The following SLC5A4 variants were observed in gnomAD, a reference collection of about 807,000 sequenced individuals.
SLC5A4 encodes the protein solute carrier family 5 member 4.
In SLC5A4, 55 loss-of-function variants were observed where a neutral mutation model predicts 70.3. The observed-to-expected ratio is 0.78, with a 90% CI of 0.63 to 0.98. The LOEUF is 0.98. SLC5A4 is among the 50% of genes least tolerant of loss of function. The pLI is 0.00. For missense variants in SLC5A4, 735 were observed against 839.2 expected (o/e 0.88, Z 1.53); for synonymous variants, 268 against 305.7 (o/e 0.88, Z 1.29).
chr22:32,236,168 T>C (rs1926047946), intron 7 of SLC5A4, among the ~76,000 whole-genome samples: 1 of 152,190 alleles, frequency 6.6e-6, no homozygotes, highest in Admixed American at 6.5e-5. Flanking sequence ...GTGCTAACAA[T>C]AGCACTGTGC....
At chr22:32,262,217 C>A in the SLC5A4 span, among the ~76,000 whole-genome samples, 1 of 152,078 alleles carries the variant, frequency 6.6e-6, no homozygotes, top group African/African-American at 2.4e-5. Flanking sequence ...CACATGGTGG[C>A]CCCAATTGTA....
the SLC5A4 span, among the ~76,000 whole-genome samples, chr22:32,313,624 A>T: frequency 6.6e-6 from 1 of 151,568 alleles, no homozygotes; most frequent in East Asian, 1.9e-4. Context: ...GTTGCAAACA[A>T]GACAATGAGG....
chr22:32,328,303 CT>C, the SLC5A4 span, among the ~76,000 whole-genome samples: 1 of 152,258 alleles, frequency 6.6e-6, no homozygotes, highest in South Asian at 2.1e-4. Flanking sequence ...TCACACCCTC[CT>C]TTGGTACCCA....
At chr22:32,293,543 C>T in the SLC5A4 span, among the ~76,000 whole-genome samples, 1 of 152,048 alleles carries the variant, frequency 6.6e-6, no homozygotes, top group Non-Finnish European at 1.5e-5. Flanking sequence ...AATCCAAGGA[C>T]CTAACAATAG....
At position 32,231,124 on chromosome 22, in the gene SLC5A4, C is replaced by A. The variant is rs776224977; in HGVS notation, c.1022-49G>T. 1.8e-5 allele frequency: 19 copies of A among 1,069,832 alleles called. No individual in the cohort carries two copies. The Admixed American group carries it at 3.1e-4, about 18-fold the overall frequency. The allele number at this position is 1,069,832 out of a possible 1,614,324, so 66.3% of individuals were successfully genotyped here. On this transcript the variant is annotated intron_variant, in intron 9 of 14. Coordinates refer to ENST00000266086, the MANE Select transcript of SLC5A4 (RefSeq NM_014227.3). ...TCCAATGAGGCCCAAATAGGCAAAA[C>A]CAACAACCATTAAACAAAGAGAAAA...
the SLC5A4 span, among the ~76,000 whole-genome samples, chr22:32,302,031 T>C: frequency 0.48 from 72,793 of 151,876 alleles, 17,599 homozygotes; most frequent in Admixed American, 0.51. Flanking sequence ...TATAAAGTTC[T>C]TAGAAGAGAA....
chr22:32,290,145 A>G, the SLC5A4 span, among the ~76,000 whole-genome samples: 3 of 152,236 alleles, frequency 2.0e-5, no homozygotes, highest in East Asian at 1.9e-4. Flanking sequence ...GGTTTGTGAC[A>G]TAAGTACACA....
chr22:32,239,395 T>C (rs1003640387), intron 5 of SLC5A4, among the ~76,000 whole-genome samples: 1 of 149,672 alleles, frequency 6.7e-6, no homozygotes, highest in Admixed American at 6.8e-5. Context: ...GCTGAGTAAT[T>C]GCTTATAGGA....
At chr22:32,328,621 C>T in the SLC5A4 span, among the ~76,000 whole-genome samples, 1 of 148,920 alleles carries the variant, frequency 6.7e-6, no homozygotes, top group African/African-American at 2.5e-5. Flanking sequence ...TTGAGAATGA[C>T]CATAGTCTCA....
chr22:32,307,350 G>A, the SLC5A4 span, among the ~76,000 whole-genome samples: 2 of 152,188 alleles, frequency 1.3e-5, no homozygotes, highest in African/African-American at 2.4e-5. Context: ...GGTGGTGGGA[G>A]CAATGACACC....
the SLC5A4 span, among the ~76,000 whole-genome samples, chr22:32,340,117 C>A: frequency 0.051 from 7,547 of 147,188 alleles, 385 homozygotes; most frequent in African/African-American, 0.15. Flanking sequence ...AGCTGCTGTG[C>A]GTTTCCCAGG....
the SLC5A4 span, among the ~76,000 whole-genome samples, chr22:32,303,848 AAT>A: frequency 1.3e-5 from 2 of 152,102 alleles, no homozygotes; most frequent in Admixed American, 6.5e-5. Flanking sequence ...GGATGGTAAA[AAT>A]ATGTTTTGTT....
intron 2 of SLC5A4, among the ~76,000 whole-genome samples, chr22:32,252,160 G>A (rs1248629859): frequency 1.3e-5 from 2 of 151,826 alleles, no homozygotes; most frequent in Non-Finnish European, 2.9e-5. Context: ...AACCCAGGGG[G>A]TGGAGCCTGC....
chr22:32,281,907 G>C, the SLC5A4 span, among the ~76,000 whole-genome samples: 786 of 152,200 alleles, frequency 5.2e-3, 10 homozygotes, highest in African/African-American at 0.018. Context: ...GCAGTGGCAC[G>C]ATCTTGGCTC....
At chr22:32,270,791 G>T in the SLC5A4 span, 31 of 602,724 alleles carry the variant, frequency 5.1e-5, no homozygotes, top group Middle Eastern at 6.0e-4. Flanking sequence ...AGTGCCGACG[G>T]CCGCGTCACC....
chr22:32,238,364 C>G (rs1475554636), intron 6 of SLC5A4, among the ~76,000 whole-genome samples: 1 of 152,190 alleles, frequency 6.6e-6, no homozygotes, highest in Non-Finnish European at 1.5e-5. Flanking sequence ...AGGTTGACAG[C>G]TCAAATGCAC....
the SLC5A4 span, among the ~76,000 whole-genome samples, chr22:32,301,861 A>C: frequency 1.3e-5 from 2 of 151,628 alleles, no homozygotes; most frequent in Admixed American, 1.3e-4. Context: ...AAAAACCCTC[A>C]CATTTATGGT....
chr22:32,346,596 A>C, the SLC5A4 span, among the ~76,000 whole-genome samples: 3 of 139,570 alleles, frequency 2.1e-5, no homozygotes, highest in African/African-American at 8.5e-5. Context: ...AAAAACAAGC[A>C]ATGGGGAAAG....
At chr22:32,233,296 C>T (rs754244340) in intron 8 of SLC5A4, among the ~76,000 whole-genome samples, 1 of 152,152 alleles carries the variant, frequency 6.6e-6, no homozygotes, top group Non-Finnish European at 1.5e-5. Flanking sequence ...TACACAACAA[C>T]GAAGCCCTGT....
Sources: gnomAD v4.1 joint callset for allele counts (sites outside exome capture counted in the v4.1 genomes callset) on GRCh38, gnomAD v4.1.1 for gene constraint, MANE v1.5 for transcripts, NCBI Gene and HGNC (gene_info 2026-07-23, HGNC 2026-07-21) for gene names.